The following MRTFA variants were observed in gnomAD, a reference collection of about 807,000 sequenced individuals.
The protein encoded by MRTFA is myocardin related transcription factor A, also known as myocardin-related transcription factor A.
Under a neutral mutation model 83.5 loss-of-function variants are expected in MRTFA, and 20 were observed. The observed-to-expected ratio is 0.24, with a 90% CI of 0.17 to 0.35. MRTFA has a LOEUF of 0.35. Ranked by LOEUF, MRTFA falls within the 10% of genes least tolerant of loss-of-function variation. The probability of loss-of-function intolerance (pLI) is 1.00; values close to 1 mark genes in which losing one functional copy is unlikely to be tolerated. For missense variants in MRTFA, 1,200 were observed against 1,224.7 expected (o/e 0.98, Z 0.30); for synonymous variants, 659 against 541.2 (o/e 1.22, Z -3.02).
In MRTFA at chr22:40,449,287, A is replaced by AG. The variant is rs1435887967; in HGVS notation, c.308-13734_308-13733insC. ...GTCTCCAAACGAGAAAAAAAAAAAA[A>AG]AAAAGAAAAGAAAAGAACGGAAATT... On this transcript the variant is annotated intron_variant, in intron 4 of 14. Transcript: ENST00000355630. 1.4e-3 allele frequency among the ~76,000 whole-genome samples: 206 copies of AG among 151,714 alleles called. 1 individual carries two copies. The Middle Eastern group carries it at 0.02, about 15-fold the overall frequency.
intron 1 of MRTFA, among the ~76,000 whole-genome samples, chr22:40,632,487 G>A (rs1439709531): frequency 1.3e-5 from 2 of 151,946 alleles, no homozygotes; most frequent in African/African-American, 4.8e-5. Context: ...CCAGGCTGGA[G>A]TGCAGTGGTG....
At chr22:40,510,196 G>A (rs2054645015) in intron 3 of MRTFA, among the ~76,000 whole-genome samples, 1 of 152,090 alleles carries the variant, frequency 6.6e-6, no homozygotes, top group Admixed American at 6.6e-5. Flanking sequence ...ACAATAACTA[G>A]GACAACTAAA....
At chr22:40,598,686 G>A (rs2056220895) in intron 1 of MRTFA, among the ~76,000 whole-genome samples, 1 of 152,050 alleles carries the variant, frequency 6.6e-6, no homozygotes, top group Non-Finnish European at 1.5e-5. Context: ...TGGAAATATT[G>A]TTCCTTAAAA....
In MRTFA at chr22:40,621,234, T is replaced by C. The variant is rs142545916; in HGVS notation, c.-84+15244A>G. On this transcript the variant is annotated intron_variant, in intron 1 of 14. Transcript: ENST00000355630. The stretch of plus-strand genomic sequence containing the variant: ...ACTGAAAGATGTTGGACTACCAAAA[T>C]TCTACATGCAGCAATCAGGCTAATA... Among the ~76,000 whole-genome samples, 1,122 of 150,768 alleles carry C rather than the reference T, an allele frequency of 7.4e-3. 25 individuals carry two copies. In the Middle Eastern group the frequency reaches 0.086, roughly 12 times the overall value.
At chr22:40,526,350 CA>C (rs1328729968) in intron 3 of MRTFA, 1 of 152,028 alleles carries the variant, frequency 6.6e-6, no homozygotes, top group Non-Finnish European at 1.5e-5. Context: ...AACATCTGAT[CA>C]AAAATCTCAA....
intron 1 of MRTFA, among the ~76,000 whole-genome samples, chr22:40,635,821 A>T (rs2056690499): frequency 6.6e-6 from 1 of 152,204 alleles, no homozygotes; most frequent in South Asian, 2.1e-4. Context: ...GAGGAAACCA[A>T]GGCACAAGAT....
intron 1 of MRTFA, among the ~76,000 whole-genome samples, chr22:40,611,595 T>C (rs916204174): frequency 4.6e-5 from 7 of 152,162 alleles, no homozygotes; most frequent in African/African-American, 1.7e-4. Flanking sequence ...ACTTTAACAA[T>C]GAGCAAGGAG....
rs376103355 is a variant in MRTFA, at chr22:40,510,944, G to A, written c.241+41162C>T. 8.5e-5 allele frequency among the ~76,000 whole-genome samples: 13 copies of A among 152,224 alleles called. No individual in the cohort carries two copies. The East Asian group carries it at 1.2e-3, about 14-fold the overall frequency. On this transcript the variant is annotated intron_variant, in intron 3 of 14. Coordinates refer to ENST00000355630, the MANE Select transcript of MRTFA (RefSeq NM_020831.6). ...AACCAAAAGCTGGTCAGTACTGCTGGGGACTGTGAGTTTGGAAGTGATATG... is the reference window on the plus strand; with the variant it reads ...AACCAAAAGCTGGTCAGTACTGCTGAGGACTGTGAGTTTGGAAGTGATATG...
At chr22:40,520,502 G>T (rs2054846950) in intron 3 of MRTFA, among the ~76,000 whole-genome samples, 1 of 152,016 alleles carries the variant, frequency 6.6e-6, no homozygotes, top group South Asian at 2.1e-4. Context: ...CATCTCCCAG[G>T]TTCAAGCGAC....
At chr22:40,615,378 G>A (rs1293960151) in intron 1 of MRTFA, among the ~76,000 whole-genome samples, 1 of 152,130 alleles carries the variant, frequency 6.6e-6, no homozygotes, top group Non-Finnish European at 1.5e-5. Context: ...GATTACTCTT[G>A]CTTTATAACA....
chr22:40,511,947 A>G (rs56124626), intron 3 of MRTFA, among the ~76,000 whole-genome samples: 12,434 of 152,212 alleles, frequency 0.082, 789 homozygotes, highest in East Asian at 0.24. Context: ...CTTTTCCAAT[A>G]TATTTATTTT....
intron 4 of MRTFA, among the ~76,000 whole-genome samples, chr22:40,460,560 T>A (rs1250459015): frequency 6.6e-6 from 1 of 152,204 alleles, no homozygotes; most frequent in Non-Finnish European, 1.5e-5. Flanking sequence ...CTTACTTCTT[T>A]AATCTTGGTA....
rs1050281895 is a variant in MRTFA at position 40,636,608 on chromosome 22, G to T, written c.-214C>A. 6.6e-6 allele frequency: 1 copy of T among 152,330 alleles called. No homozygotes were observed. Among genetic ancestry groups the T allele is most frequent in the Non-Finnish European group, 1.5e-5 (1 of 68,094 alleles). 9.4% of individuals were successfully genotyped at this position (152,330 alleles called of 1,614,324 possible). ...AGAAGTCGCCGCCAGCGGAGGGCGT[G>T]TGGCCAGCGGCAACCAAGAGGGTGG... is the stretch of plus-strand genomic sequence containing the variant. On this transcript the variant is annotated 5_prime_UTR_variant, in exon 1 of 15. Transcript: ENST00000355630.
At chr22:40,599,770 T>C (rs924243546) in intron 1 of MRTFA, among the ~76,000 whole-genome samples, 4 of 151,544 alleles carry the variant, frequency 2.6e-5, no homozygotes, top group Admixed American at 2.0e-4. Context: ...ATGGTGGTGT[T>C]TGCCTAAAGT....
chr22:40,539,341 T>G (rs2055247519), intron 3 of MRTFA, among the ~76,000 whole-genome samples: 1 of 118,028 alleles, frequency 8.5e-6, no homozygotes, highest in Non-Finnish European at 1.8e-5. Context: ...TATTAACAAT[T>G]TTTTTTTTTT....
intron 3 of MRTFA, among the ~76,000 whole-genome samples, chr22:40,546,854 T>C (rs1486909449): frequency 1.3e-5 from 2 of 152,162 alleles, no homozygotes; most frequent in Non-Finnish European, 2.9e-5. Flanking sequence ...CATTCATTGA[T>C]TCATTCAATA....
intron 4 of MRTFA, among the ~76,000 whole-genome samples, chr22:40,450,109 A>T (rs2053458910): frequency 6.6e-6 from 1 of 152,202 alleles, no homozygotes; most frequent in Non-Finnish European, 1.5e-5. Flanking sequence ...TTAGGATTCC[A>T]TATCCGGGTA....
intron 1 of MRTFA, among the ~76,000 whole-genome samples, chr22:40,627,315 T>C (rs1398719004): frequency 1.3e-5 from 2 of 152,180 alleles, no homozygotes; most frequent in Non-Finnish European, 2.9e-5. Flanking sequence ...GGTCTTGTCA[T>C]GTTGCCCAGG....
chr22:40,434,100 T>C (rs2053121511), intron 5 of MRTFA, among the ~76,000 whole-genome samples: 1 of 152,168 alleles, frequency 6.6e-6, no homozygotes, highest in African/African-American at 2.4e-5. Context: ...AGATACAACC[T>C]CTTACATAAA....
Sources: allele counts gnomAD v4.1 joint callset (sites outside exome capture counted in the v4.1 genomes callset), GRCh38; gene constraint gnomAD v4.1.1; transcripts MANE v1.5; gene names NCBI Gene and HGNC (gene_info 2026-07-23, HGNC 2026-07-21).